CPE: variants seen among roughly 807,000 people sequenced by gnomAD.
The protein encoded by CPE is carbocypeptidase E.
Under a neutral mutation model 53.5 loss-of-function variants are expected in CPE, and 17 were observed. The ratio of observed to expected loss-of-function variants is 0.32; its 90% CI spans 0.22 to 0.48. The LOEUF is 0.48. Ranked by LOEUF, CPE falls within the 20% of genes least tolerant of loss-of-function variation. CPE has a pLI of 0.99. For missense variants in CPE, 524 were observed against 614.7 expected, an observed-to-expected ratio of 0.85 and a Z score of 1.56; for synonymous variants, 226 against 228.8, an observed-to-expected ratio of 0.99 and a Z score of 0.11.
At chr4:165,484,398 TA>T (rs1291192157) in intron 4 of CPE, 23 bp from the exon 5 acceptor site, 1 of 1,607,156 alleles carries the variant, frequency 6.2e-7, no homozygotes, top group Non-Finnish European at 8.5e-7. Context: ...TCTGTTTCTT[TA>T]ATCTTGTGGA....
Position 165,493,387 on chromosome 4 carries a change from C to T in CPE, c.1213+117C>T, listed in dbSNP as rs138155336. The T allele has an allele frequency of 6.0e-4, 429 of 710,858 alleles. 1 individual carries two copies. In the African/African-American group the frequency reaches 6.9e-3, roughly 11 times the overall value. 44.0% of individuals were successfully genotyped at this position (710,858 alleles called of 1,614,324 possible). A position where few individuals can be genotyped will look rare whatever the true frequency, so the allele number is the denominator to read the frequency against. On this transcript the variant is annotated intron_variant, in intron 7 of 8. Coordinates refer to ENST00000402744, the MANE Select transcript of CPE (RefSeq NM_001873.4). Reference sequence around the variant, plus strand: ...AAACAAATAGCTCGTATCTCTACAGCGTTTCTCAGCTTTGATCTGGTGAAG... The same window carrying T: ...AAACAAATAGCTCGTATCTCTACAGTGTTTCTCAGCTTTGATCTGGTGAAG...
intron 1 of CPE, 111 bp from the exon 2 acceptor site, chr4:165,464,279 G>A (rs1396869015): frequency 3.5e-6 from 3 of 847,636 alleles, no homozygotes; most frequent in African/African-American, 1.7e-5. Context: ...TTAAGGCATC[G>A]CTGCTGGAGG....
intron 1 of CPE, among the ~76,000 whole-genome samples, chr4:165,390,488 T>A (rs1730663660): frequency 1.3e-5 from 2 of 152,326 alleles, no homozygotes; most frequent in Middle Eastern, 6.8e-3. Flanking sequence ...GTGTTGAACA[T>A]GTGCAAAATA....
chr4:165,459,785 G>A (rs112368169), intron 1 of CPE, among the ~76,000 whole-genome samples: 17,139 of 151,264 alleles, frequency 0.11, 1,129 homozygotes, highest in Admixed American at 0.15. Context: ...GTGTGGTGGC[G>A]TGCGCCTGTA....
chr4:165,475,310 A>G (rs59577539), intron 3 of CPE, among the ~76,000 whole-genome samples: 22,128 of 152,204 alleles, frequency 0.15, 1,947 homozygotes, highest in East Asian at 0.23. Flanking sequence ...AAAAGTATAC[A>G]ATAAATCATA....
intron 1 of CPE, chr4:165,386,476 T>C (rs1167820752): frequency 2.8e-6 from 1 of 354,200 alleles, no homozygotes; most frequent in Admixed American, 4.8e-5. Context: ...GTTGACATCA[T>C]GCATATTAGC....
At chr4:165,400,329 A>G (rs757283922) in intron 1 of CPE, among the ~76,000 whole-genome samples, 4 of 152,202 alleles carry the variant, frequency 2.6e-5, no homozygotes, top group Non-Finnish European at 5.9e-5. Context: ...GAGGGAGAAT[A>G]GGCAAAGGAG....
chr4:165,431,283 T>A (rs948284662), intron 1 of CPE, among the ~76,000 whole-genome samples: 2 of 152,204 alleles, frequency 1.3e-5, no homozygotes, highest in Non-Finnish European at 2.9e-5. Flanking sequence ...CTGGCATTTG[T>A]TTTTACATCT....
At chr4:165,443,986 C>T (rs2083159) in intron 1 of CPE, among the ~76,000 whole-genome samples, 35,148 of 151,958 alleles carry the variant, frequency 0.23, 4,285 homozygotes, top group East Asian at 0.37. Context: ...CTTTAGCAAA[C>T]GCCGGCTCTG....
intron 1 of CPE, among the ~76,000 whole-genome samples, chr4:165,402,767 T>G (rs1005045448): frequency 4.6e-5 from 7 of 152,176 alleles, no homozygotes. Flanking sequence ...TTTATAGTAA[T>G]TCAAGAATGG....
intron 1 of CPE, chr4:165,405,788 C>A (rs1250689984): frequency 2.4e-6 from 2 of 849,500 alleles, no homozygotes; most frequent in African/African-American, 3.3e-5. Flanking sequence ...GCAGCAGGCA[C>A]ACCCACCATT....
chr4:165,424,412 T>C (rs936933267), intron 1 of CPE, among the ~76,000 whole-genome samples: 2 of 152,062 alleles, frequency 1.3e-5, no homozygotes, highest in African/African-American at 4.8e-5. Context: ...ATGACTTATA[T>C]TGATTACCAT....
At chr4:165,477,192 C>G (rs747153144) in intron 3 of CPE, among the ~76,000 whole-genome samples, 1 of 152,114 alleles carries the variant, frequency 6.6e-6, no homozygotes, top group Non-Finnish European at 1.5e-5. Flanking sequence ...TCCAGCTGAA[C>G]CTGAATATTT....
At chr4:165,429,430 C>T (rs67075652) in intron 1 of CPE, among the ~76,000 whole-genome samples, 44,969 of 151,956 alleles carry the variant, frequency 0.3, 6,749 homozygotes, top group Middle Eastern at 0.39. Flanking sequence ...TTGCTGGGTG[C>T]GGTGGCTCAC....
chr4:165,447,654 T>A (rs117676657), intron 1 of CPE, among the ~76,000 whole-genome samples: 1 of 152,090 alleles, frequency 6.6e-6, no homozygotes, highest in Non-Finnish European at 1.5e-5. Context: ...TTACAGTAAC[T>A]TTTTTTACAT....
chr4:165,430,582 T>C (rs10018971), intron 1 of CPE, among the ~76,000 whole-genome samples: 44,896 of 151,968 alleles, frequency 0.3, 6,722 homozygotes, highest in Middle Eastern at 0.39. Flanking sequence ...ATTGTTAAAA[T>C]TGTGTGGTGG....
chr4:165,466,585 C>T (rs796252746), intron 2 of CPE, among the ~76,000 whole-genome samples: 14 of 152,008 alleles, frequency 9.2e-5, no homozygotes, highest in African/African-American at 2.4e-4. Flanking sequence ...GGCATGATCT[C>T]GGCTCACTGC....
rs910967945 is a variant in CPE, at chr4:165,456,881, C to T, written c.308-7509C>T. ...TCAGCCTCCTGAGTAGCTGGGATTA[C>T]AGGCACCCACCACCATGCCCGGCTA... On this transcript the variant is annotated intron_variant, in intron 1 of 8. Transcript: ENST00000402744. Among the ~76,000 whole-genome samples the T allele has an allele frequency of 2.0e-5, 3 of 151,546 alleles. No homozygotes were observed. The Admixed American group carries it at 2.0e-4, about 10-fold the overall frequency.
intron 1 of CPE, among the ~76,000 whole-genome samples, chr4:165,438,559 G>A (rs923439848): frequency 6.6e-6 from 1 of 152,082 alleles, no homozygotes; most frequent in Admixed American, 6.6e-5. Flanking sequence ...TGAACAAAGC[G>A]ATCATAACCC....
Sources: gnomAD v4.1 joint callset for allele counts (sites outside exome capture counted in the v4.1 genomes callset) on GRCh38, gnomAD v4.1.1 for gene constraint, MANE v1.5 for transcripts, NCBI Gene and HGNC (gene_info 2026-07-23, HGNC 2026-07-21) for gene names.